The following LRRC1 variants were observed in gnomAD, a reference collection of about 807,000 sequenced individuals.
The protein encoded by LRRC1 is leucine rich repeat containing 1.
Under a neutral mutation model 69.9 loss-of-function variants are expected in LRRC1, and 28 were observed. The ratio of observed to expected loss-of-function variants is 0.40; its 90% CI spans 0.30 to 0.55. The LOEUF (loss-of-function observed/expected upper bound fraction) is 0.55, where lower values mean the gene tolerates loss of function less well. Among genes scored for constraint, LRRC1 ranks in the 20% least tolerant of loss-of-function variants. The probability of loss-of-function intolerance (pLI) is 0.47; values close to 1 mark genes in which losing one functional copy is unlikely to be tolerated. For missense variants in LRRC1, 498 were observed against 609.0 expected, an observed-to-expected ratio of 0.82 and a Z score of 1.92; for synonymous variants, 236 against 240.2, an observed-to-expected ratio of 0.98 and a Z score of 0.16.
intron 1 of LRRC1, among the ~76,000 whole-genome samples, chr6:53,835,765 T>C (rs1765596369): frequency 1.3e-5 from 2 of 152,222 alleles, no homozygotes. Context: ...TACTCTATAA[T>C]CAACCATAGA....
At chr6:53,891,999 A>AT (rs59126246) in intron 4 of LRRC1, among the ~76,000 whole-genome samples, 69,312 of 132,730 alleles carry the variant, frequency 0.52, 18,080 homozygotes, top group Non-Finnish European at 0.59. Flanking sequence ...CTAAAAAAAA[A>AT]ATATATATAT....
At chr6:53,900,296 C>G (rs1352568479) in intron 8 of LRRC1, among the ~76,000 whole-genome samples, 1 of 152,164 alleles carries the variant, frequency 6.6e-6, no homozygotes, top group African/African-American at 2.4e-5. Context: ...CTCCGCCTCC[C>G]AAAGTGCTGG....
intron 4 of LRRC1, among the ~76,000 whole-genome samples, chr6:53,889,314 T>C (rs899203498): frequency 1.3e-5 from 2 of 152,118 alleles, no homozygotes; most frequent in Non-Finnish European, 2.9e-5. Context: ...CTCCTTAAAA[T>C]TGAACATAGT....
intron 1 of LRRC1, among the ~76,000 whole-genome samples, chr6:53,818,019 G>A (rs1765001930): frequency 6.6e-6 from 1 of 152,188 alleles, no homozygotes; most frequent in South Asian, 2.1e-4. Flanking sequence ...ATATGGACAT[G>A]GTAAGACATG....
At chr6:53,800,576 T>G (rs1175869385) in intron 1 of LRRC1, among the ~76,000 whole-genome samples, 1 of 151,436 alleles carries the variant, frequency 6.6e-6, no homozygotes, top group Non-Finnish European at 1.5e-5. Context: ...TAAACTGGAG[T>G]TTGAAGACAT....
At chr6:53,831,063 TTGA>T (rs1186078378) in intron 1 of LRRC1, among the ~76,000 whole-genome samples, 2 of 151,634 alleles carry the variant, frequency 1.3e-5, no homozygotes, top group Non-Finnish European at 2.9e-5. Flanking sequence ...ATCTTAAATT[TTGA>T]TTGTGGAAAT....
At chr6:53,872,605 CT>C (rs1766925604) in intron 2 of LRRC1, among the ~76,000 whole-genome samples, 1 of 151,546 alleles carries the variant, frequency 6.6e-6, no homozygotes, top group African/African-American at 2.4e-5. Flanking sequence ...ATTACTTTGG[CT>C]TTTTGGGGTC....
chr6:53,816,334 G>A (rs908980285), intron 1 of LRRC1, among the ~76,000 whole-genome samples: 3 of 151,934 alleles, frequency 2.0e-5, no homozygotes, highest in Non-Finnish European at 2.9e-5. Context: ...AATAGATGTT[G>A]GGTCTATATT....
At chr6:53,860,822 G>A (rs373782910) in intron 2 of LRRC1, among the ~76,000 whole-genome samples, 2 of 152,294 alleles carry the variant, frequency 1.3e-5, no homozygotes, top group African/African-American at 2.4e-5. Context: ...TTTATTATGG[G>A]GGTGAAGTGT....
intron 2 of LRRC1, among the ~76,000 whole-genome samples, chr6:53,876,835 ACTGT>A (rs1335757001): frequency 2.6e-5 from 4 of 152,030 alleles, no homozygotes; most frequent in Admixed American, 1.3e-4. Context: ...GCTGGCCTTG[ACTGT>A]CTGGTGGCTT....
intron 4 of LRRC1, among the ~76,000 whole-genome samples, chr6:53,886,692 C>T (rs1767491689): frequency 1.3e-5 from 2 of 152,106 alleles, no homozygotes; most frequent in South Asian, 4.1e-4. Flanking sequence ...TTTTTACCTG[C>T]CTTGTCTCTT....
At chr6:53,814,462 GT>G (rs1764892410) in intron 1 of LRRC1, among the ~76,000 whole-genome samples, 1 of 152,140 alleles carries the variant, frequency 6.6e-6, no homozygotes, top group African/African-American at 2.4e-5. Flanking sequence ...TTCTTTGAAG[GT>G]ATTTACCTTT....
intron 1 of LRRC1, among the ~76,000 whole-genome samples, chr6:53,809,402 G>A (rs1764727057): frequency 6.6e-6 from 1 of 152,174 alleles, no homozygotes; most frequent in Non-Finnish European, 1.5e-5. Context: ...AATGGCAGGA[G>A]GAGGAAGGGG....
chr6:53,854,239 C>T (rs985869130), intron 2 of LRRC1, among the ~76,000 whole-genome samples: 1 of 152,088 alleles, frequency 6.6e-6, no homozygotes, highest in African/African-American at 2.4e-5. Context: ...AGCAGGTTTC[C>T]TTGTTTTAAC....
intron 1 of LRRC1, among the ~76,000 whole-genome samples, chr6:53,816,100 C>A (rs1004680739): frequency 6.6e-6 from 1 of 152,142 alleles, no homozygotes; most frequent in African/African-American, 2.4e-5. Context: ...TTGGCAAACG[C>A]ATGAAGGTGT....
chr6:53,813,317 G>A (rs1286456662), intron 1 of LRRC1, among the ~76,000 whole-genome samples: 5 of 152,242 alleles, frequency 3.3e-5, no homozygotes, highest in African/African-American at 1.2e-4. Context: ...GGAAGCCCAG[G>A]AGTTGCTATG....
chr6:53,809,952 A>G (rs1253792225), intron 1 of LRRC1, among the ~76,000 whole-genome samples: 3 of 152,248 alleles, frequency 2.0e-5, no homozygotes, highest in Non-Finnish European at 4.4e-5. Flanking sequence ...GCAGAGAAGA[A>G]AGGGATAGAT....
chr6:53,891,853 G>A (rs1175929466), intron 4 of LRRC1, among the ~76,000 whole-genome samples: 2 of 151,904 alleles, frequency 1.3e-5, no homozygotes, highest in Non-Finnish European at 2.9e-5. Flanking sequence ...TTAGCTGGGT[G>A]TGGTGGTGCA....
At chr6:53,919,452 T>C in intron 11 of LRRC1, 46 bp from the exon 12 acceptor site, 1 of 1,412,442 alleles carries the variant, frequency 7.1e-7, no homozygotes, top group Non-Finnish European at 9.3e-7. Flanking sequence ...GATTACAAAA[T>C]TTGAGGTTGT....
Sources: allele counts gnomAD v4.1 joint callset (sites outside exome capture counted in the v4.1 genomes callset), GRCh38; gene constraint gnomAD v4.1.1; transcripts MANE v1.5; gene names NCBI Gene and HGNC (gene_info 2026-07-23, HGNC 2026-07-21).